The following RPIA variants were observed in gnomAD, a reference collection of about 807,000 sequenced individuals.
The protein encoded by RPIA is ribose-5-phosphate isomerase.
Under a neutral mutation model 37.8 loss-of-function variants are expected in RPIA, and 29 were observed. The observed-to-expected ratio is 0.77, with a 90% CI of 0.57 to 1.05. RPIA has a LOEUF of 1.05. Among genes scored for constraint, RPIA ranks in the 50% least tolerant of loss-of-function variants. The pLI is 0.00. For synonymous variants in RPIA, 167 were observed against 157.0 expected, an observed-to-expected ratio of 1.06 and a Z score of -0.48; for missense variants, 385 against 413.6, an observed-to-expected ratio of 0.93 and a Z score of 0.60.
rs375202269 is a variant in RPIA at position 88,707,577 on chromosome 2, C to T, written c.402+7513C>T. On this transcript the variant is annotated intron_variant, in intron 3 of 8. Transcript: ENST00000283646. ...TACACTGTAAGGCTTCTCACATTCT[C>T]CCTGGTAACATTCCCAAGTATCCTC... is the stretch of plus-strand genomic sequence containing the variant. 2.6e-4 allele frequency among the ~76,000 whole-genome samples: 39 copies of T among 152,306 alleles called. No homozygotes were observed. In the South Asian group the frequency reaches 7.0e-3, roughly 27 times the overall value.
intron 1 of RPIA, among the ~76,000 whole-genome samples, chr2:88,696,497 T>G (rs1672749531): frequency 6.6e-6 from 1 of 151,434 alleles, no homozygotes; most frequent in African/African-American, 2.4e-5. Flanking sequence ...TTTGTGTGTG[T>G]GTGGGGGGGC....
chr2:88,702,484 G>A (rs1027389113), intron 3 of RPIA, among the ~76,000 whole-genome samples: 3 of 133,718 alleles, frequency 2.2e-5, no homozygotes, highest in Non-Finnish European at 4.7e-5. Flanking sequence ...AACAAGTCTC[G>A]TTTTACGTGG....
intron 1 of RPIA, among the ~76,000 whole-genome samples, chr2:88,694,552 T>TA (rs935469047): frequency 3.9e-5 from 6 of 152,240 alleles, no homozygotes; most frequent in African/African-American, 1.4e-4. Context: ...ACAATGTTTT[T>TA]ATCCATGGCT....
At chr2:88,733,218 C>T (rs748296946) in intron 4 of RPIA, among the ~76,000 whole-genome samples, 20 of 152,280 alleles carry the variant, frequency 1.3e-4, no homozygotes, top group Non-Finnish European at 2.6e-4. Context: ...ATGGACACTG[C>T]TCGGACTGGC....
chr2:88,713,328 G>T (rs10198977), intron 3 of RPIA, among the ~76,000 whole-genome samples: 1 of 151,402 alleles, frequency 6.6e-6, no homozygotes. Flanking sequence ...ACCTGGCTAA[G>T]AAAATATCTT....
chr2:88,710,623 T>C (rs1672950697), intron 3 of RPIA, among the ~76,000 whole-genome samples: 1 of 152,220 alleles, frequency 6.6e-6, no homozygotes, highest in Non-Finnish European at 1.5e-5. Context: ...GAGCCCCATT[T>C]TGGCCAAGTT....
intron 3 of RPIA, among the ~76,000 whole-genome samples, chr2:88,703,761 T>C (rs1672863680): frequency 6.6e-6 from 1 of 152,260 alleles, no homozygotes; most frequent in Admixed American, 6.5e-5. Context: ...TATTCAGATG[T>C]CTGCAGCCGG....
chr2:88,707,488 T>G (rs1672911948), intron 3 of RPIA, among the ~76,000 whole-genome samples: 1 of 152,138 alleles, frequency 6.6e-6, no homozygotes, highest in African/African-American at 2.4e-5. Flanking sequence ...AACCCAATAA[T>G]GTTGGGTGCT....
At chr2:88,702,170 A>G (rs534190247) in intron 3 of RPIA, among the ~76,000 whole-genome samples, 2 of 152,270 alleles carry the variant, frequency 1.3e-5, no homozygotes, top group African/African-American at 4.8e-5. Context: ...CAATTTTCCA[A>G]TTTTTATTAT....
At chr2:88,736,092 A>T (rs908690178) in intron 6 of RPIA, among the ~76,000 whole-genome samples, 3 of 152,296 alleles carry the variant, frequency 2.0e-5, no homozygotes, top group African/African-American at 7.2e-5. Context: ...TGCCCTGCCC[A>T]CGGGCAGTGA....
chr2:88,720,231 T>C (rs1673102577), intron 3 of RPIA, among the ~76,000 whole-genome samples: 1 of 147,592 alleles, frequency 6.8e-6, no homozygotes, highest in African/African-American at 2.5e-5. Flanking sequence ...ATAACCTTAA[T>C]TTAAAAAAAA....
At chr2:88,692,167 G>A (rs1676945114) in intron 1 of RPIA, among the ~76,000 whole-genome samples, 184 bp downstream of exon 1, 1 of 152,196 alleles carries the variant, frequency 6.6e-6, no homozygotes, top group Non-Finnish European at 1.5e-5. Flanking sequence ...AGACCTTTTA[G>A]ATGTGGAATC....
At chr2:88,698,084 CTTT>C (rs551033597) in intron 1 of RPIA, among the ~76,000 whole-genome samples, 12 of 138,008 alleles carry the variant, frequency 8.7e-5, no homozygotes, top group African/African-American at 1.6e-4. Context: ...TTCTTTCTTT[CTTT>C]TTTTTTTTTT....
intron 1 of RPIA, among the ~76,000 whole-genome samples, chr2:88,695,994 A>G (rs17037576): frequency 6.6e-6 from 1 of 151,232 alleles, no homozygotes; most frequent in Non-Finnish European, 1.5e-5. Context: ...TTATAGATGT[A>G]GTCAGGCTTT....
rs1195214176 is a variant in RPIA, at chr2:88,691,756, G to C, written c.58G>C (p.Gly20Arg). 14 of 1,594,366 alleles carry C rather than the reference G, an allele frequency of 8.8e-6. No individual in the cohort carries two copies. The highest frequency in any genetic ancestry group is 1.2e-5 in the Non-Finnish European group (14 of 1,174,952). Reference sequence around the variant, plus strand: ...CGGGCGGGTCTTGGCCCCGCTGCCCGGGAGGGCCGGGGGCGCGGCCTCCGG... The same window carrying C: ...CGGGCGGGTCTTGGCCCCGCTGCCCCGGAGGGCCGGGGGCGCGGCCTCCGG... ...LYGRVLAPLP[G>R]RAGGAASGGG... is the part of the protein sequence containing the mutation. Residue 20 changes from glycine to arginine, a missense_variant, in exon 1 of 9, where the codon GGG becomes CGG. Gly to Arg is a moderately radical substitution (Grantham distance 125). This residue lies in a region of RPIA where 232 missense variants were observed against 203.0 expected (regional missense o/e 1.14). Transcript: ENST00000283646.
intron 1 of RPIA, among the ~76,000 whole-genome samples, chr2:88,694,531 A>AAC (rs775314373): frequency 2.6e-5 from 4 of 152,018 alleles, no homozygotes; most frequent in East Asian, 1.9e-4. Context: ...TGATATTTTA[A>AAC]ACACACACAC....
chr2:88,722,055 A>G (rs891655691), intron 3 of RPIA, among the ~76,000 whole-genome samples: 18 of 151,012 alleles, frequency 1.2e-4, no homozygotes, highest in Non-Finnish European at 2.2e-4. Flanking sequence ...TGTCCTGAAC[A>G]TACCTCTTTC....
At chr2:88,703,658 G>A (rs142365054) in intron 3 of RPIA, among the ~76,000 whole-genome samples, 13 of 152,330 alleles carry the variant, frequency 8.5e-5, no homozygotes, top group African/African-American at 2.9e-4. Context: ...GCCTCCAGGT[G>A]TGTGATGGGA....
chr2:88,722,363 T>C (rs1673144292), intron 3 of RPIA, among the ~76,000 whole-genome samples: 1 of 152,204 alleles, frequency 6.6e-6, no homozygotes, highest in Admixed American at 6.5e-5. Context: ...ATAATTTAAC[T>C]TTAGATTCTA....
Sources: gnomAD v4.1 joint callset for allele counts (sites outside exome capture counted in the v4.1 genomes callset) on GRCh38, gnomAD v4.1.1 for gene constraint, gnomAD v4.1.1 regional missense constraint, MANE v1.5 for transcripts, NCBI Gene and HGNC (gene_info 2026-07-23, HGNC 2026-07-21) for gene names.